Variants in HNRNPA3 observed in about 807,000 individuals in gnomAD.
The protein encoded by HNRNPA3 is heterogeneous nuclear ribonucleoprotein A3.
In HNRNPA3, 3 loss-of-function variants were observed where a neutral mutation model predicts 45.8. The observed-to-expected ratio is 0.07, with a 90% CI of 0.03 to 0.17. HNRNPA3 has a LOEUF of 0.17. Among genes scored for constraint, HNRNPA3 ranks in the 10% least tolerant of loss-of-function variants. The pLI is 1.00. For missense variants in HNRNPA3, 183 were observed against 480.3 expected (o/e 0.38, Z 5.79); for synonymous variants, 170 against 155.6 (o/e 1.09, Z -0.69).
intron 1 of HNRNPA3, 128 bp from the exon 2 acceptor site, chr2:177,215,411 C>T (rs1299146016): frequency 6.0e-6 from 6 of 998,164 alleles, no homozygotes; most frequent in African/African-American, 1.6e-5. Flanking sequence ...AAAGTTTTAA[C>T]TGGACAAAGT....
chr2:177,213,378 C>T (rs553073110), intron 1 of HNRNPA3, among the ~76,000 whole-genome samples: 1 of 152,374 alleles, frequency 6.6e-6, no homozygotes, highest in South Asian at 2.1e-4. Context: ...GCGGAGGCGG[C>T]CCGGCAGAAA....
At chr2:177,215,173 G>A (rs1452065458) in intron 1 of HNRNPA3, among the ~76,000 whole-genome samples, 12 of 151,968 alleles carry the variant, frequency 7.9e-5, no homozygotes, top group Admixed American at 7.9e-4. Flanking sequence ...CATGATCTTG[G>A]CTCACCGCAA....
At chr2:177,215,384 C>T (rs925413362) in intron 1 of HNRNPA3, among the ~76,000 whole-genome samples, 155 bp from the exon 2 acceptor site, 3 of 152,118 alleles carry the variant, frequency 2.0e-5, no homozygotes, top group East Asian at 1.9e-4. Context: ...CATGAGACAT[C>T]GCGCCGGTGT....
chr2:177,219,398 T>C lies in HNRNPA3; in HGVS notation c.*16-10T>C, dbSNP rs1257307753. 2.0e-6 allele frequency: 2 copies of C among 1,021,228 alleles called. No individual in the cohort carries two copies. Among genetic ancestry groups the C allele is most frequent in the African/African-American group, 1.6e-5 (1 of 61,544 alleles). 63.3% of individuals were successfully genotyped at this position (1,021,228 alleles called of 1,614,324 possible). On this transcript the variant is annotated splice_polypyrimidine_tract_variant and intron_variant, in intron 10 of 10. Transcript: ENST00000392524. Reference sequence around the variant, plus strand: ...GTGTAATAATTTTTTTATCCTGTATTATTCAACAGGCTACAGTTCTTAGCA... The same window carrying C: ...GTGTAATAATTTTTTTATCCTGTATCATTCAACAGGCTACAGTTCTTAGCA...
intron 1 of HNRNPA3, 58 bp from the exon 2 acceptor site, chr2:177,215,481 C>T (rs1346539815): frequency 3.9e-6 from 6 of 1,540,424 alleles, no homozygotes; most frequent in East Asian, 2.2e-5. Flanking sequence ...AAAGGCTCTT[C>T]GTGCATCTTA....
chr2:177,214,959 AATG>A (rs1318331998), intron 1 of HNRNPA3, among the ~76,000 whole-genome samples: 1 of 152,238 alleles, frequency 6.6e-6, no homozygotes, highest in Non-Finnish European at 1.5e-5. Flanking sequence ...GCTTTTAAAA[AATG>A]AAGCGATTTT....
At chr2:177,213,098 CG>C (rs1444993422) in intron 1 of HNRNPA3, among the ~76,000 whole-genome samples, 1 of 151,444 alleles carries the variant, frequency 6.6e-6, no homozygotes, top group Non-Finnish European at 1.5e-5. Flanking sequence ...GCGGCTTGGT[CG>C]GGGAGGCCTC....
downstream of HNRNPA3, chr2:177,222,369 A>AT (rs1558973203): frequency 6.6e-6 from 1 of 152,172 alleles, no homozygotes; most frequent in Non-Finnish European, 1.5e-5. Flanking sequence ...TATACAATTC[A>AT]TTTTTTGTGT....
chr2:177,219,369 C>G, intron 10 of HNRNPA3, 39 bp from the exon 11 acceptor site: 1 of 1,303,474 alleles, frequency 7.7e-7, no homozygotes, highest in Non-Finnish European at 1.1e-6. Context: ...GAACTGTTCA[C>G]TGAGTGTAAT....
In HNRNPA3 at chr2:177,217,470, A is replaced by G. The variant is rs77257471; in HGVS notation, c.821-235A>G. The stretch of plus-strand genomic sequence containing the variant: ...AGCAACATAAGGAGACCGTATATCT[A>G]GAAAAATAAAATAGGGGAACATGGT... On this transcript the variant is annotated intron_variant, in intron 7 of 10. Coordinates refer to ENST00000392524, the Ensembl canonical transcript of HNRNPA3. Among the ~76,000 whole-genome samples, 1,362 of 152,320 alleles carry G rather than the reference A, an allele frequency of 8.9e-3. 10 individuals carry two copies. The highest frequency in any genetic ancestry group is 0.015 in the Non-Finnish European group (988 of 68,020).
intron 1 of HNRNPA3, among the ~76,000 whole-genome samples, chr2:177,214,850 TTGAAA>T (rs1434027400): frequency 1.3e-5 from 2 of 151,786 alleles, no homozygotes; most frequent in Non-Finnish European, 2.9e-5. Context: ...CTGAGAAGAG[TTGAAA>T]TGGGATAGAT....
chr2:177,217,001 T>C (rs1688970820), intron 7 of HNRNPA3, 61 bp downstream of exon 7: 4 of 1,364,306 alleles, frequency 2.9e-6, no homozygotes, highest in Non-Finnish European at 3.9e-6. Context: ...TTGAAAATTA[T>C]TTATTACACT....
chr2:177,213,274 T>G (rs1688767160), intron 1 of HNRNPA3, among the ~76,000 whole-genome samples: 2 of 152,192 alleles, frequency 1.3e-5, no homozygotes, highest in East Asian at 1.9e-4. Context: ...TTGACATTGA[T>G]CCGCCGCCGC....
At chr2:177,213,096 G>A (rs1203339568) in intron 1 of HNRNPA3, among the ~76,000 whole-genome samples, 5 of 152,190 alleles carry the variant, frequency 3.3e-5, no homozygotes, top group Non-Finnish European at 7.4e-5. Flanking sequence ...GCGCGGCTTG[G>A]TCGGGGAGGC....
exon 11 of HNRNPA3, chr2:177,219,567 C>T: frequency 2.7e-6 from 1 of 371,160 alleles, no homozygotes; most frequent in South Asian, 4.2e-5. Flanking sequence ...AACAGGAAAC[C>T]CTTCTTGTTC....
chr2:177,219,085 G>A, exon 9 of HNRNPA3: 1 of 1,614,076 alleles, frequency 6.2e-7, no homozygotes. Flanking sequence ...AATTATAGTG[G>A]ACAACAGCAA....
At chr2:177,219,185 T>TA in intron 9 of HNRNPA3, 26 bp downstream of exon 9, 1 of 1,611,052 alleles carries the variant, frequency 6.2e-7, no homozygotes, top group Non-Finnish European at 8.5e-7. Flanking sequence ...AATCAATTCT[T>TA]TAGAGCCTTT....
intron 1 of HNRNPA3, among the ~76,000 whole-genome samples, chr2:177,213,511 G>T (rs1688782507): frequency 6.6e-6 from 1 of 151,960 alleles, no homozygotes; most frequent in African/African-American, 2.4e-5. Context: ...TCTTTTTTTC[G>T]CAGCATCCTG....
rs1442838448 is a variant in HNRNPA3, at chr2:177,215,736, T to C, written c.196-14T>C. On this transcript the variant is annotated splice_polypyrimidine_tract_variant and intron_variant, in intron 2 of 10. Transcript: ENST00000392524. Reference sequence around the variant, plus strand: ...GGAGGTGTTTTCAACGTTATAAAACTTTTTATTTTGTAGGTAATGAGAGAC... The same window carrying C: ...GGAGGTGTTTTCAACGTTATAAAACCTTTTATTTTGTAGGTAATGAGAGAC... 1.2e-6 allele frequency: 2 copies of C among 1,610,654 alleles called. No individual in the cohort carries two copies. The highest frequency in any genetic ancestry group is 3.4e-5 in the Admixed American group (2 of 59,118).
Sources: allele counts gnomAD v4.1 joint callset (sites outside exome capture counted in the v4.1 genomes callset), GRCh38; gene constraint gnomAD v4.1.1; transcripts MANE v1.5; gene names NCBI Gene and HGNC (gene_info 2026-07-23, HGNC 2026-07-21).